Variants in ANKRD30A observed in about 807,000 individuals in gnomAD.
ANKRD30A encodes the protein ankyrin repeat domain-containing protein 30A.
In ANKRD30A, 170 loss-of-function variants were observed where a neutral mutation model predicts 166.3. That is an observed-to-expected ratio of 1.02 (90% CI 0.90 to 1.16). ANKRD30A has a LOEUF of 1.16. Ranked by LOEUF, ANKRD30A falls within the 50% of genes most tolerant of loss-of-function variation. The pLI is 0.00. For missense variants in ANKRD30A, 1,630 were observed against 1,518.0 expected (o/e 1.07, Z -1.23); for synonymous variants, 564 against 508.9 (o/e 1.11, Z -1.46).
intron 31 of ANKRD30A, among the ~76,000 whole-genome samples, chr10:37,210,419 A>G (rs749200704): frequency 7.2e-5 from 11 of 152,164 alleles, no homozygotes; most frequent in Non-Finnish European, 1.0e-4. Context: ...TACTCCCCCA[A>G]TAAACCTATG....
chr10:37,224,853 A>G (rs1373685217), intron 34 of ANKRD30A, among the ~76,000 whole-genome samples: 1 of 151,262 alleles, frequency 6.6e-6, no homozygotes, highest in Non-Finnish European at 1.5e-5. Flanking sequence ...TCAACTCAGA[A>G]TGTTTTCTTT....
the ANKRD30A span, among the ~76,000 whole-genome samples, chr10:37,263,149 G>T: frequency 6.7e-6 from 1 of 150,104 alleles, no homozygotes; most frequent in African/African-American, 2.5e-5. Context: ...CTTTATGTTT[G>T]TTTCTCATGA....
chr10:37,164,979 A>G, intron 17 of ANKRD30A, 115 bp from the exon 18 acceptor site: 2 of 1,080,408 alleles, frequency 1.9e-6, no homozygotes, highest in Non-Finnish European at 2.8e-6. Flanking sequence ...AAAAGAACAT[A>G]TGGGCCACAG....
intron 17 of ANKRD30A, 83 bp downstream of exon 17, chr10:37,162,931 T>G (rs1839048176): frequency 6.7e-7 from 1 of 1,502,806 alleles, no homozygotes; most frequent in Non-Finnish European, 9.1e-7. Context: ...AATGGTTTAT[T>G]TTTTTCAACT....
At chr10:37,212,893 T>G (rs1379417075) in intron 31 of ANKRD30A, among the ~76,000 whole-genome samples, 1 of 151,878 alleles carries the variant, frequency 6.6e-6, no homozygotes, top group Non-Finnish European at 1.5e-5. Context: ...TCAATGAATT[T>G]GTCAATTTTG....
chr10:37,126,212 G>A (rs115688602), intron 1 of ANKRD30A, among the ~76,000 whole-genome samples: 4,352 of 152,256 alleles, frequency 0.029, 79 homozygotes, highest in Non-Finnish European at 0.041. Context: ...GTCCCTGCAG[G>A]GCGGAGGGCC....
chr10:37,165,127 A>C lies in ANKRD30A; in HGVS notation c.2036A>C (p.Asp679Ala), dbSNP rs202200263. Residue 679 changes from aspartate to alanine, a missense_variant, in exon 18 of 36, where the codon GAC (aspartate) becomes GCC (alanine). Transcript: ENST00000361713. Reference sequence around the variant, plus strand: ...CTCCCATCAGAATCCAAACAAAAGGACTATGAAGAAAATTCTTGGGATACT... The same window carrying C: ...CTCCCATCAGAATCCAAACAAAAGGCCTATGAAGAAAATTCTTGGGATACT... ...EILPSESKQKDYEENSWDTES... is the reference protein window; with the variant it reads ...EILPSESKQKAYEENSWDTES... 3.1e-6 allele frequency: 5 copies of C among 1,609,162 alleles called. No homozygotes were observed. In the African/African-American group the frequency reaches 6.7e-5, roughly 22 times the overall value.
At chr10:37,210,482 A>G (rs532983639) in intron 31 of ANKRD30A, among the ~76,000 whole-genome samples, 6 of 152,326 alleles carry the variant, frequency 3.9e-5, no homozygotes, top group African/African-American at 1.4e-4. Flanking sequence ...GTATATAACC[A>G]GTAATGGGAT....
chr10:37,197,107 G>A (rs1444080217), intron 27 of ANKRD30A, among the ~76,000 whole-genome samples, 174 bp from the exon 28 acceptor site: 1 of 151,970 alleles, frequency 6.6e-6, no homozygotes, highest in Non-Finnish European at 1.5e-5. Flanking sequence ...ATTTTCTTCA[G>A]TGTATTCTTG....
intron 6 of ANKRD30A, among the ~76,000 whole-genome samples, chr10:37,137,733 G>C (rs1836812958): frequency 6.6e-6 from 1 of 152,302 alleles, no homozygotes; most frequent in South Asian, 2.1e-4. Flanking sequence ...TGGGAAGCTC[G>C]AACTGGGTGG....
chr10:37,132,552 T>C (rs1206188207), intron 4 of ANKRD30A, among the ~76,000 whole-genome samples: 1 of 152,214 alleles, frequency 6.6e-6, no homozygotes, highest in Non-Finnish European at 1.5e-5. Context: ...TATTGACTGA[T>C]TCCTATGTGT....
intron 31 of ANKRD30A, among the ~76,000 whole-genome samples, chr10:37,211,155 T>C (rs947633200): frequency 6.6e-6 from 1 of 151,990 alleles, no homozygotes; most frequent in African/African-American, 2.4e-5. Context: ...TTTTTTATTA[T>C]TATACTTTAA....
chr10:37,142,214 T>C lies in ANKRD30A; in HGVS notation c.1317T>C (p.Thr439=), dbSNP rs2132534488. 1 of 1,609,360 alleles carries C rather than the reference T, an allele frequency of 6.2e-7. No homozygotes were observed. Among genetic ancestry groups the C allele is most frequent in the Non-Finnish European group, 8.5e-7 (1 of 1,178,936 alleles). ...TGGCAAGAGTAACATCTAATAAAAC[T>C]AAAGTTTTGGAAAAAGGAAGATCTA... ...GCVARVTSNK[T]KVLEKGRSKM... is the part of the protein sequence containing the mutation. The change falls in exon 7 of 36, where the codon ACT becomes ACC. Residue 439 remains threonine, a synonymous_variant. Transcript: ENST00000361713.
chr10:37,148,756 G>T (rs953880011), intron 9 of ANKRD30A, among the ~76,000 whole-genome samples: 3 of 152,042 alleles, frequency 2.0e-5, no homozygotes, highest in African/African-American at 7.2e-5. Flanking sequence ...ATTCAAGTGA[G>T]ATATATTTGA....
intron 25 of ANKRD30A, among the ~76,000 whole-genome samples, chr10:37,190,292 C>A (rs1440827309): frequency 6.6e-6 from 1 of 151,730 alleles, no homozygotes; most frequent in Non-Finnish European, 1.5e-5. Context: ...GCTGGTGGTC[C>A]TTGGACGTTG....
intron 1 of ANKRD30A, among the ~76,000 whole-genome samples, chr10:37,129,423 A>T (rs1397751194): frequency 1.3e-5 from 2 of 152,204 alleles, no homozygotes; most frequent in Non-Finnish European, 2.9e-5. Flanking sequence ...GTACCATTTT[A>T]CTTAAAATGC....
At chr10:37,198,016 T>C (rs549962295) in intron 29 of ANKRD30A, among the ~76,000 whole-genome samples, 2 of 152,148 alleles carry the variant, frequency 1.3e-5, no homozygotes, top group South Asian at 4.1e-4. Flanking sequence ...TAACTTTACC[T>C]TGTGAAGATG....
intron 25 of ANKRD30A, among the ~76,000 whole-genome samples, chr10:37,190,059 G>C (rs374131361): frequency 2.6e-5 from 4 of 151,970 alleles, no homozygotes; most frequent in African/African-American, 9.7e-5. Context: ...GAAGCCATTA[G>C]GGATGGAAGC....
chr10:37,140,075 T>G (rs1431639706), intron 6 of ANKRD30A, among the ~76,000 whole-genome samples: 1 of 152,160 alleles, frequency 6.6e-6, no homozygotes, highest in Non-Finnish European at 1.5e-5. Context: ...GGAAAGAAAC[T>G]TTTATAAGAA....
Sources: allele counts gnomAD v4.1 joint callset (sites outside exome capture counted in the v4.1 genomes callset), GRCh38; gene constraint gnomAD v4.1.1; transcripts MANE v1.5; gene names NCBI Gene and HGNC (gene_info 2026-07-23, HGNC 2026-07-21).